The following ERBB4 variants were observed in gnomAD, a reference collection of about 807,000 sequenced individuals.
The protein encoded by ERBB4 is erb-b2 receptor tyrosine kinase 4.
Under a neutral mutation model 158.0 loss-of-function variants are expected in ERBB4, and 42 were observed. The ratio of observed to expected loss-of-function variants is 0.27; its 90% CI spans 0.21 to 0.34. The LOEUF (loss-of-function observed/expected upper bound fraction) is 0.34. ERBB4 is among the 10% of genes least tolerant of loss of function. The pLI, the probability that ERBB4 is intolerant of heterozygous loss-of-function variation, is 1.00. For missense variants in ERBB4, 1,333 were observed against 1,624.1 expected, an observed-to-expected ratio of 0.82 and a Z score of 3.08; for synonymous variants, 583 against 558.7, an observed-to-expected ratio of 1.04 and a Z score of -0.61.
At chr2:211,966,149 G>A (rs1453418077) in intron 2 of ERBB4, among the ~76,000 whole-genome samples, 1 of 152,192 alleles carries the variant, frequency 6.6e-6, no homozygotes. Context: ...AAGAGATTAA[G>A]ACTGCAGTGA....
At chr2:211,644,409 G>A (rs1236176314) in intron 16 of ERBB4, among the ~76,000 whole-genome samples, 1 of 151,688 alleles carries the variant, frequency 6.6e-6, no homozygotes, top group African/African-American at 2.4e-5. Context: ...TTATGATTCG[G>A]CAGATGCTCT....
At chr2:211,421,312 T>C (rs3791707) in intron 24 of ERBB4, among the ~76,000 whole-genome samples, 47,885 of 151,766 alleles carry the variant, frequency 0.32, 7,767 homozygotes, top group South Asian at 0.56. Flanking sequence ...AGACTGTCGA[T>C]ATGAAAATAA....
chr2:211,570,957 C>T (rs1202405195), intron 19 of ERBB4, among the ~76,000 whole-genome samples: 2 of 151,786 alleles, frequency 1.3e-5, no homozygotes, highest in East Asian at 1.9e-4. Context: ...TCTCACTGAC[C>T]ATCCTTCTTC....
intron 16 of ERBB4, among the ~76,000 whole-genome samples, chr2:211,653,729 T>C (rs1267438427): frequency 1.3e-5 from 2 of 151,982 alleles, no homozygotes; most frequent in Admixed American, 6.6e-5. Context: ...GGCTGGAGTG[T>C]AGTGACACGA....
chr2:211,799,059 G>A (rs1180294952), intron 3 of ERBB4, among the ~76,000 whole-genome samples: 1 of 152,078 alleles, frequency 6.6e-6, no homozygotes, highest in Non-Finnish European at 1.5e-5. Flanking sequence ...CAATCTCCAG[G>A]TGGCCTTTAC....
At chr2:211,803,690 G>A (rs2076550368) in intron 3 of ERBB4, among the ~76,000 whole-genome samples, 1 of 152,200 alleles carries the variant, frequency 6.6e-6, no homozygotes, top group African/African-American at 2.4e-5. Context: ...TCTATGCAAA[G>A]CACGTCTGTA....
At chr2:211,661,932 G>T (rs1392355249) in intron 15 of ERBB4, among the ~76,000 whole-genome samples, 1 of 146,502 alleles carries the variant, frequency 6.8e-6, no homozygotes, top group Admixed American at 6.8e-5. Flanking sequence ...CCAGCTACTC[G>T]GGAGGCTGAG....
intron 3 of ERBB4, among the ~76,000 whole-genome samples, chr2:211,924,756 T>C (rs915876236): frequency 2.6e-4 from 39 of 152,298 alleles, no homozygotes; most frequent in African/African-American, 8.9e-4. Flanking sequence ...CACGTATTTA[T>C]ACCAATAAAA....
chr2:211,552,891 A>T (rs2067138918), intron 20 of ERBB4, among the ~76,000 whole-genome samples: 1 of 152,062 alleles, frequency 6.6e-6, no homozygotes, highest in East Asian at 1.9e-4. Flanking sequence ...TCAGTAATAG[A>T]TTGTCTTAAG....
chr2:212,329,581 C>T (rs907311867), intron 1 of ERBB4, among the ~76,000 whole-genome samples: 3 of 151,974 alleles, frequency 2.0e-5, no homozygotes, highest in Non-Finnish European at 4.4e-5. Context: ...TCAAACTGGG[C>T]TTGTAAGAAA....
At chr2:212,214,607 T>C (rs1423383456) in intron 1 of ERBB4, among the ~76,000 whole-genome samples, 1 of 151,680 alleles carries the variant, frequency 6.6e-6, no homozygotes, top group Non-Finnish European at 1.5e-5. Flanking sequence ...AATCAAGTAT[T>C]GGCCAGAACA....
intron 2 of ERBB4, among the ~76,000 whole-genome samples, chr2:211,960,251 C>G (rs542938521): frequency 1.4e-4 from 21 of 152,202 alleles, no homozygotes; most frequent in African/African-American, 4.8e-4. Flanking sequence ...TCAAAAACTA[C>G]TAAGTTCATG....
intron 1 of ERBB4, among the ~76,000 whole-genome samples, chr2:212,387,997 A>C (rs2090735053): frequency 6.6e-6 from 1 of 152,116 alleles, no homozygotes; most frequent in Non-Finnish European, 1.5e-5. Context: ...TAATATCAGT[A>C]TTAGAATTTT....
At chr2:211,774,073 AT>A (rs113991569) in intron 4 of ERBB4, among the ~76,000 whole-genome samples, 1,958 of 142,020 alleles carry the variant, frequency 0.014, 18 homozygotes, top group African/African-American at 0.017. Context: ...ACCCCAACCA[AT>A]TTTTTTTTTT....
At chr2:212,254,489 C>T (rs1163873858) in intron 1 of ERBB4, among the ~76,000 whole-genome samples, 2 of 152,202 alleles carry the variant, frequency 1.3e-5, no homozygotes, top group African/African-American at 4.8e-5. Context: ...CCTACTCCCA[C>T]TTGCCAGGTT....
intron 3 of ERBB4, among the ~76,000 whole-genome samples, chr2:211,837,293 C>T (rs950958839): frequency 2.0e-5 from 3 of 151,972 alleles, no homozygotes; most frequent in Admixed American, 6.6e-5. Context: ...AGAATTCAGA[C>T]ATCAATTCTA....
At chr2:211,866,753 T>G (rs762020749) in intron 3 of ERBB4, among the ~76,000 whole-genome samples, 16 of 152,152 alleles carry the variant, frequency 1.1e-4, no homozygotes, top group Non-Finnish European at 2.2e-4. Context: ...AATCCTCAAT[T>G]GTTTTTCAAT....
chr2:211,623,079 TG>T (rs1317181550), intron 18 of ERBB4, among the ~76,000 whole-genome samples: 9 of 123,262 alleles, frequency 7.3e-5, no homozygotes, highest in East Asian at 5.3e-4. Context: ...ATTGTAGTAA[TG>T]GATATTACAA....
chr2:211,977,377 A>G (rs2081639372), intron 2 of ERBB4, among the ~76,000 whole-genome samples: 1 of 152,084 alleles, frequency 6.6e-6, no homozygotes. Context: ...TTAGGTTTGT[A>G]ACTTTTAGCC....
Sources: gnomAD v4.1 joint callset for allele counts (sites outside exome capture counted in the v4.1 genomes callset) on GRCh38, gnomAD v4.1.1 for gene constraint, MANE v1.5 for transcripts, NCBI Gene and HGNC (gene_info 2026-07-23, HGNC 2026-07-21) for gene names.